Variants in TASOR2 observed in about 807,000 individuals in gnomAD.
TASOR2 encodes protein TASOR 2.
TASOR2 carries 84 observed loss-of-function variants against 199.5 expected under a neutral mutation model. The ratio of observed to expected loss-of-function variants is 0.42; its 90% CI spans 0.35 to 0.50. The LOEUF is 0.50. Among genes scored for constraint, TASOR2 ranks in the 20% least tolerant of loss-of-function variants. TASOR2 has a pLI of 0.02. For missense variants in TASOR2, 2,796 were observed against 2,835.9 expected (o/e 0.99, Z 0.32); for synonymous variants, 1,103 against 1,046.6 (o/e 1.05, Z -1.04).
exon 15 of TASOR2, chr10:5,749,339 A>G (rs1268474057): frequency 5.6e-6 from 9 of 1,614,124 alleles, no homozygotes; most frequent in Non-Finnish European, 7.6e-6. Context: ...CTCACCCAGA[A>G]CACTTTAGAC....
chr10:5,746,343 A>G (rs1209796223), exon 15 of TASOR2: 2 of 1,614,066 alleles, frequency 1.2e-6, no homozygotes, highest in Admixed American at 3.3e-5. Context: ...CTGTTACTCA[A>G]GCCACATTCA....
In TASOR2 at chr10:5,685,021, G is replaced by A. The variant is rs1035550975; in HGVS notation, c.-442G>A. 5 of 397,666 alleles carry A rather than the reference G, an allele frequency of 1.3e-5. No individual in the cohort carries two copies. In the South Asian group the frequency reaches 3.8e-4, roughly 30 times the overall value. The allele number at this position is 397,666 out of a possible 1,614,324, so 24.6% of individuals were successfully genotyped here. A position where few individuals can be genotyped will look rare whatever the true frequency, so the allele number is the denominator to read the frequency against. ...GGCGGACGGCGTGCCCCTGAGGGGGGTCCCCGCGGGAGCGCGGAGCCGGCG... is the reference window on the plus strand; with the variant it reads ...GGCGGACGGCGTGCCCCTGAGGGGGATCCCCGCGGGAGCGCGGAGCCGGCG... On this transcript the variant is annotated 5_prime_UTR_variant, in exon 1 of 21. Coordinates refer to ENST00000328090, the Ensembl canonical transcript of TASOR2. This position sits in a 1 kb window ranked among gnomAD's most constrained non-coding sequence, Gnocchi z 5.4.
rs7078711 is a variant in TASOR2, at chr10:5,703,022, G to A, written c.-287-9801G>A. Among the ~76,000 whole-genome samples, 4 of 152,074 alleles carry A rather than the reference G, an allele frequency of 2.6e-5. No individual in the cohort carries two copies. The East Asian group carries it at 5.8e-4, about 22-fold the overall frequency. On this transcript the variant is annotated intron_variant, in intron 1 of 20. Transcript: ENST00000328090. The stretch of plus-strand genomic sequence containing the variant: ...TTTGTGCTGCCAAGGTGTCCTTTGG[G>A]TATAAAGACTATGTACTGGCTGGTA...
In TASOR2 at chr10:5,748,602, C is replaced by G. The variant is rs1422271518; in HGVS notation, c.5181C>G (p.Arg1727=). The G allele has an allele frequency of 6.2e-7, 1 of 1,613,980 alleles. No homozygotes were observed. The highest frequency in any genetic ancestry group is 2.2e-5 in the East Asian group (1 of 44,882). Residue 1727 remains arginine, a synonymous_variant, in exon 15 of 21, where the codon CGC becomes CGG. Coordinates refer to ENST00000328090, the Ensembl canonical transcript of TASOR2. The surrounding 1 kb of genome is among the most constrained non-coding windows in gnomAD (Gnocchi z 5.1). ...CCACATCTTCTCTAAAAGGTGAACG[C>G]AAAGCCATCCACACGCTGCAAGATG...
intron 9 of TASOR2, 50 bp from the exon 11 acceptor site, chr10:5,727,011 T>C: frequency 1.2e-6 from 2 of 1,613,602 alleles, no homozygotes; most frequent in East Asian, 4.5e-5. Flanking sequence ...ACTTTTGCTT[T>C]ATAAGATCAA....
At chr10:5,691,913 C>T (rs1836467233) in intron 1 of TASOR2, among the ~76,000 whole-genome samples, 1 of 152,194 alleles carries the variant, frequency 6.6e-6, no homozygotes, top group Non-Finnish European at 1.5e-5. Flanking sequence ...CATGTTGGCT[C>T]ACGCCTGTAA....
chr10:5,726,939 G>T lies in TASOR2; in HGVS notation c.406G>T (p.Ala136Ser), dbSNP rs762484879. Reference sequence around the variant, plus strand: ...GTTTTTCATTTTACTTACATCATCAGCCTTACTATCAGAACCAGGTATGGA... The same window carrying T: ...GTTTTTCATTTTACTTACATCATCATCCTTACTATCAGAACCAGGTATGGA... The change falls in exon 9 of 21, where the codon GCC becomes TCC. Residue 136 changes from alanine (A) to serine (S), a missense_variant. Around this residue, in one of 3 missense-constraint regions of TASOR2, gnomAD observed 847 missense variants for 887.4 expected, o/e 0.95. Coordinates refer to ENST00000328090, the Ensembl canonical transcript of TASOR2. 8 of 1,613,892 alleles carry T rather than the reference G, an allele frequency of 5.0e-6. No homozygotes were observed. In the African/African-American group the frequency reaches 1.1e-4, roughly 22 times the overall value.
Position 5,742,396 on chromosome 10 carries a change from CT to C in TASOR2, c.2630del (p.Phe877SerfsTer44). On this transcript the variant is annotated frameshift_variant, in exon 14 of 21. Coordinates refer to ENST00000328090, the Ensembl canonical transcript of TASOR2. LOFTEE classifies it high-confidence loss of function. The surrounding 1 kb of genome is among the most constrained non-coding windows in gnomAD (Gnocchi z 4.2). ...TTCCGTGATCCTAACTGCTTGCTTC[CT>C]TTCATTAAAACACCACTTACCCAAG... 6.2e-7 allele frequency: 1 copy of C among 1,614,068 alleles called. No individual in the cohort carries two copies. Among genetic ancestry groups the C allele is most frequent in the Non-Finnish European group, 8.5e-7 (1 of 1,180,022 alleles).
chr10:5,757,697 G>C, intron 17 of TASOR2, 24 bp downstream of exon 18: 2 of 1,609,572 alleles, frequency 1.2e-6, no homozygotes, highest in Non-Finnish European at 1.7e-6. Flanking sequence ...TTCTTTTCCT[G>C]TTTCTTTGAA....
At position 5,724,056 on chromosome 10, in the gene TASOR2, A is replaced by C. The variant is rs534150291; in HGVS notation, c.247+279A>C. On this transcript the variant is annotated intron_variant, in intron 7 of 20. Coordinates refer to ENST00000328090, the Ensembl canonical transcript of TASOR2. The stretch of plus-strand genomic sequence containing the variant: ...ATATTAAAAGCATTTGGAAACTTGT[A>C]ACTATTCCTCTCGAGGACAGAGTTT... 2.5e-3 allele frequency among the ~76,000 whole-genome samples: 383 copies of C among 152,338 alleles called. 2 individuals carry two copies. The highest frequency in any genetic ancestry group is 8.8e-3 in the African/African-American group (365 of 41,564).
intron 1 of TASOR2, among the ~76,000 whole-genome samples, chr10:5,693,719 A>T (rs1836780914): frequency 6.6e-6 from 1 of 152,224 alleles, no homozygotes; most frequent in African/African-American, 2.4e-5. Flanking sequence ...AAATAGCTTT[A>T]TTTCACCCAG....
intron 7 of TASOR2, 24 bp from the exon 9 acceptor site, chr10:5,724,406 A>T: frequency 7.9e-7 from 1 of 1,270,874 alleles, no homozygotes; most frequent in Non-Finnish European, 1.1e-6. Context: ...AAAATAAGAA[A>T]TGTTTTTCTG....
chr10:5,747,809 G>T (rs1433908126), exon 15 of TASOR2: 1 of 1,613,706 alleles, frequency 6.2e-7, no homozygotes, highest in Admixed American at 1.7e-5. Context: ...CATCCAGTGG[G>T]GCAAGATAAC....
At chr10:5,715,017 C>A (rs1442920126) in intron 2 of TASOR2, among the ~76,000 whole-genome samples, 2 of 151,856 alleles carry the variant, frequency 1.3e-5, no homozygotes, top group Non-Finnish European at 2.9e-5. Context: ...ATTAATGGGA[C>A]CAGGGTGTGG....
At chr10:5,707,358 C>G (rs548213116) in intron 1 of TASOR2, among the ~76,000 whole-genome samples, 12 of 152,226 alleles carry the variant, frequency 7.9e-5, no homozygotes, top group African/African-American at 2.9e-4. Flanking sequence ...GATGAGGCAG[C>G]CCCCAGGTTA....
At chr10:5,739,976 T>C in exon 13 of TASOR2, 1 of 1,614,122 alleles carries the variant, frequency 6.2e-7, no homozygotes, top group South Asian at 1.1e-5. Context: ...CATCTTCTGA[T>C]AGGAAGAGTA....
Position 5,748,194 on chromosome 10 carries a change from G to A in TASOR2, c.4773G>A (p.Leu1591=). The A allele has an allele frequency of 1.9e-6, 3 of 1,614,218 alleles. No individual in the cohort carries two copies. The highest frequency in any genetic ancestry group is 2.5e-6 in the Non-Finnish European group (3 of 1,180,030). The change falls in exon 15 of 21, where the codon TTG becomes TTA. Residue 1591 remains leucine, a synonymous_variant. Coordinates refer to ENST00000328090, the Ensembl canonical transcript of TASOR2. This position sits in a 1 kb window ranked among gnomAD's most constrained non-coding sequence, Gnocchi z 5.1. Reference sequence around the variant, plus strand: ...AAAATAAGTCTTTGTCTGACACATTGGTTTCCACAACTGCACCAAGTGGTA... The same window carrying A: ...AAAATAAGTCTTTGTCTGACACATTAGTTTCCACAACTGCACCAAGTGGTA...
intron 11 of TASOR2, among the ~76,000 whole-genome samples, chr10:5,732,090 T>A (rs968969377): frequency 5.3e-5 from 8 of 152,248 alleles, no homozygotes; most frequent in African/African-American, 1.9e-4. Flanking sequence ...TATTGGCAGA[T>A]GTATTTCAGT....
chr10:5,708,554 CTT>C (rs1831442284), intron 1 of TASOR2, among the ~76,000 whole-genome samples: 1 of 147,216 alleles, frequency 6.8e-6, no homozygotes, highest in Non-Finnish European at 1.5e-5. Flanking sequence ...CTCTTTCTTT[CTT>C]TCTTTTTCTT....
Sources: allele counts gnomAD v4.1 joint callset (sites outside exome capture counted in the v4.1 genomes callset), GRCh38; gene constraint gnomAD v4.1.1; regional missense constraint gnomAD v4.1.1; non-coding constraint Gnocchi (gnomAD v3.1); transcripts MANE v1.5; gene names NCBI Gene and HGNC (gene_info 2026-07-23, HGNC 2026-07-21).